FAM180A: variants seen among roughly 807,000 people sequenced by gnomAD.
FAM180A encodes family with sequence similarity 180 member A.
FAM180A carries 14 observed loss-of-function variants against 15.3 expected under a neutral mutation model. The observed-to-expected ratio is 0.92, with a 90% CI of 0.61 to 1.43. The LOEUF is 1.43. FAM180A is among the 40% of genes most tolerant of loss of function. FAM180A has a pLI of 0.00. For synonymous variants in FAM180A, 90 were observed against 96.8 expected (o/e 0.93, Z 0.41); for missense variants, 200 against 220.8 (o/e 0.91, Z 0.60).
intron 1 of FAM180A, among the ~76,000 whole-genome samples, chr7:135,739,199 A>G (rs1234591924): frequency 6.6e-6 from 1 of 151,122 alleles, no homozygotes; most frequent in African/African-American, 2.4e-5. Flanking sequence ...AATCCCAGCT[A>G]CTTGGGAGGC....
chr7:135,743,914 A>G (rs546613674), intron 1 of FAM180A, among the ~76,000 whole-genome samples: 3 of 152,228 alleles, frequency 2.0e-5, no homozygotes, highest in Middle Eastern at 6.8e-3. Flanking sequence ...TCCTTTTCTA[A>G]TAGGGTGAAT....
At chr7:135,737,730 C>T (rs891874738) in intron 1 of FAM180A, among the ~76,000 whole-genome samples, 1 of 151,310 alleles carries the variant, frequency 6.6e-6, no homozygotes, top group Non-Finnish European at 1.5e-5. Flanking sequence ...GGCTTAAAAA[C>T]TGGCTGCTCA....
intron 1 of FAM180A, among the ~76,000 whole-genome samples, chr7:135,740,964 C>CA (rs1563180516): frequency 7.6e-4 from 13 of 17,008 alleles, no homozygotes; most frequent in African/African-American, 1.1e-3. Context: ...AAAAACAAAA[C>CA]AAAACAAAAC....
chr7:135,736,317 A>G (rs1350130104), intron 2 of FAM180A, among the ~76,000 whole-genome samples: 1 of 152,156 alleles, frequency 6.6e-6, no homozygotes, highest in Non-Finnish European at 1.5e-5. Context: ...CACCGCGCCC[A>G]GCCCCCAACC....
At chr7:135,731,197 G>A (rs542596824) in intron 3 of FAM180A, among the ~76,000 whole-genome samples, 73 of 152,156 alleles carry the variant, frequency 4.8e-4, no homozygotes, top group African/African-American at 1.6e-3. Flanking sequence ...GGAGCCTCGG[G>A]GCGGGATACA....
chr7:135,729,806 C>G lies in FAM180A; in HGVS notation c.*805G>C. 2.1e-6 allele frequency: 2 copies of G among 954,934 alleles called. No homozygotes were observed. The highest frequency in any genetic ancestry group is 2.5e-6 in the Non-Finnish European group (2 of 802,388). The allele number at this position is 954,934 out of a possible 1,614,324, so 59.2% of individuals were successfully genotyped here. On this transcript the variant is annotated 3_prime_UTR_variant, in exon 4 of 4. Coordinates refer to ENST00000338588, the MANE Select transcript of FAM180A (RefSeq NM_205855.4). ...GAGGTATCTTAAGTAGTCAGACTCT[C>G]AAAAACAGAAAGCAGAATAATGGTG...
At chr7:135,732,107 C>T (rs908034346) in intron 3 of FAM180A, among the ~76,000 whole-genome samples, 6 of 152,170 alleles carry the variant, frequency 3.9e-5, no homozygotes, top group African/African-American at 1.2e-4. Flanking sequence ...ACCTGGCTAT[C>T]GTAGTTTGTA....
chr7:135,746,106 A>C (rs571559121), intron 1 of FAM180A, among the ~76,000 whole-genome samples: 10 of 152,074 alleles, frequency 6.6e-5, no homozygotes, highest in African/African-American at 2.4e-4. Context: ...TTGAGCCATT[A>C]ATCTAGCACG....
chr7:135,735,552 T>C (rs1796858212), intron 2 of FAM180A, among the ~76,000 whole-genome samples: 2 of 152,208 alleles, frequency 1.3e-5, no homozygotes, highest in Admixed American at 1.3e-4. Flanking sequence ...TCCATGGCAC[T>C]GTCTATGATC....
At chr7:135,747,858 G>C (rs1356040036) in intron 1 of FAM180A, among the ~76,000 whole-genome samples, 2 of 152,180 alleles carry the variant, frequency 1.3e-5, no homozygotes, top group Non-Finnish European at 2.9e-5. Flanking sequence ...GCCACTCCCA[G>C]GGAAATGGAG....
intron 2 of FAM180A, among the ~76,000 whole-genome samples, chr7:135,736,778 C>G (rs956472871): frequency 2.6e-5 from 4 of 152,180 alleles, no homozygotes; most frequent in Non-Finnish European, 5.9e-5. Context: ...TGCCTCAAGG[C>G]CTTTGCTTGG....
intron 1 of FAM180A, among the ~76,000 whole-genome samples, chr7:135,745,285 T>C (rs904548833): frequency 3.3e-5 from 5 of 152,188 alleles, no homozygotes; most frequent in African/African-American, 1.2e-4. Flanking sequence ...GAAGGGCTGC[T>C]CTATTAAACT....
chr7:135,742,718 G>A (rs573504802), intron 1 of FAM180A, among the ~76,000 whole-genome samples: 1 of 152,348 alleles, frequency 6.6e-6, no homozygotes, highest in Non-Finnish European at 1.5e-5. Flanking sequence ...GATACCTCTG[G>A]AGCTCAGGCT....
chr7:135,730,005 G>A lies in FAM180A; in HGVS notation c.*606C>T, dbSNP rs1796758488. 1 of 976,556 alleles carries A rather than the reference G, an allele frequency of 1.0e-6. No homozygotes were observed. The highest frequency in any genetic ancestry group is 1.2e-6 in the Non-Finnish European group (1 of 822,050). 60.5% of individuals were successfully genotyped at this position (976,556 alleles called of 1,614,324 possible). On this transcript the variant is annotated 3_prime_UTR_variant, in exon 4 of 4. Transcript: ENST00000338588. ...TAAGATGGTACATTTTACCTGATGT[G>A]TTTTTTACCACAATAAAAAAAATAA...
intron 1 of FAM180A, among the ~76,000 whole-genome samples, chr7:135,744,466 T>C (rs1796999934): frequency 6.6e-6 from 1 of 152,218 alleles, no homozygotes; most frequent in Admixed American, 6.5e-5. Context: ...CTGACTGATG[T>C]CATTTACTTT....
At chr7:135,746,257 T>G (rs79217831) in intron 1 of FAM180A, among the ~76,000 whole-genome samples, 3,693 of 152,296 alleles carry the variant, frequency 0.024, 73 homozygotes, top group Middle Eastern at 0.061. Flanking sequence ...TAGATTCCCC[T>G]GTTAAGAGCC....
intron 1 of FAM180A, among the ~76,000 whole-genome samples, chr7:135,747,698 C>T (rs549579207): frequency 3.3e-5 from 5 of 152,238 alleles, no homozygotes; most frequent in South Asian, 2.1e-4. Context: ...GTTCTTCTTG[C>T]GGTTCTTTCT....
intron 3 of FAM180A, among the ~76,000 whole-genome samples, chr7:135,731,655 A>G (rs967013888): frequency 6.6e-6 from 1 of 152,228 alleles, no homozygotes; most frequent in African/African-American, 2.4e-5. Flanking sequence ...GGAGGAGGTA[A>G]AAGAGCAGAA....
intron 3 of FAM180A, among the ~76,000 whole-genome samples, chr7:135,732,079 A>G (rs560327462): frequency 1.3e-5 from 2 of 152,350 alleles, no homozygotes; most frequent in South Asian, 4.1e-4. Flanking sequence ...ACTCTTATTT[A>G]ACATAGAATT....
Sources: allele counts gnomAD v4.1 joint callset (sites outside exome capture counted in the v4.1 genomes callset), GRCh38; gene constraint gnomAD v4.1.1; transcripts MANE v1.5; gene names NCBI Gene and HGNC (gene_info 2026-07-23, HGNC 2026-07-21).